The following ALS2CL variants were observed in gnomAD, a reference collection of about 807,000 sequenced individuals.
The protein encoded by ALS2CL is ALS2 C-terminal-like protein.
Under a neutral mutation model 127.9 loss-of-function variants are expected in ALS2CL, and 112 were observed. That is an observed-to-expected ratio of 0.88 (90% CI 0.75 to 1.02). The LOEUF (loss-of-function observed/expected upper bound fraction) is 1.02. Ranked by LOEUF, ALS2CL falls within the 50% of genes least tolerant of loss-of-function variation. The pLI is 0.00. For synonymous variants in ALS2CL, 519 were observed against 527.6 expected (o/e 0.98, Z 0.22); for missense variants, 1,174 against 1,236.7 (o/e 0.95, Z 0.76).
Position 46,686,579 on chromosome 3 carries a change from G to C in ALS2CL, c.535-140C>G, listed in dbSNP as rs1199577207. On this transcript the variant is annotated intron_variant, in intron 5 of 25. Transcript: ENST00000318962. This position sits in a 1 kb window ranked among gnomAD's most constrained non-coding sequence, Gnocchi z 4.3. The stretch of plus-strand genomic sequence containing the variant: ...CCCTGACAGCTCCTCTTCTGCTGGT[G>C]GGGCAGGGGGTGGAATATGAAGGTG... 6 of 1,229,206 alleles carry C rather than the reference G, an allele frequency of 4.9e-6. No individual in the cohort carries two copies. Among genetic ancestry groups the C allele is most frequent in the Non-Finnish European group, 5.6e-6 (5 of 897,708 alleles). 76.1% of individuals were successfully genotyped at this position (1,229,206 alleles called of 1,614,324 possible).
In ALS2CL at chr3:46,678,312, C is replaced by T. The variant is rs1231650990; in HGVS notation, c.1704G>A (p.Gln568=). The stretch of plus-strand genomic sequence containing the variant: ...GGAGGGCAGCCGTGTCCAGCACACC[C>T]TGTGTGTGCAGTCCTCTCCCTGCCC... ...GSGAGRGLHT[Q]GVLDTAALPP... Residue 568 remains glutamine, a synonymous_variant, in exon 16 of 26, where the codon CAG becomes CAA. Transcript: ENST00000318962. 3 of 1,612,028 alleles carry T rather than the reference C, an allele frequency of 1.9e-6. No homozygotes were observed. In the African/African-American group the frequency reaches 4.0e-5, roughly 22 times the overall value.
At chr3:46,690,025 A>G (rs1700063224) in intron 1 of ALS2CL, among the ~76,000 whole-genome samples, 1 of 152,178 alleles carries the variant, frequency 6.6e-6, no homozygotes, top group Non-Finnish European at 1.5e-5. Context: ...ATGATGGGCA[A>G]GAAATGAAAA....
At position 46,686,857 on chromosome 3, in the gene ALS2CL, C is replaced by T; in HGVS notation, c.534+126G>A. ...GGCCTGTGACTTCCTCAACCCTCTC[C>T]CACCTGCCGGCATGGCTGAGTCCTT... On this transcript the variant is annotated intron_variant, in intron 5 of 25. Transcript: ENST00000318962. The surrounding 1 kb of genome is among the most constrained non-coding windows in gnomAD (Gnocchi z 4.3). 1 of 1,201,924 alleles carries T rather than the reference C, an allele frequency of 8.3e-7. No individual in the cohort carries two copies. 74.5% of individuals were successfully genotyped at this position (1,201,924 alleles called of 1,614,324 possible).
intron 1 of ALS2CL, among the ~76,000 whole-genome samples, chr3:46,690,768 C>T (rs1700102682): frequency 1.3e-5 from 2 of 152,178 alleles, no homozygotes; most frequent in Admixed American, 1.3e-4. Flanking sequence ...CAACGATGGG[C>T]AGGTGACACA....
In ALS2CL at chr3:46,676,946, C is replaced by T; in HGVS notation, c.1834G>A (p.Ala612Thr). ...TCCTGCAGGTCCCTGGGGCAGCCAGCACACACAAAGTCCCGGAAGGGGCTG... is the reference window on the plus strand; with the variant it reads ...TCCTGCAGGTCCCTGGGGCAGCCAGTACACACAAAGTCCCGGAAGGGGCTG... ...VYSPFRDFVC[A>T]GCPRDLQEAL... The change falls in exon 17 of 26, where the codon GCT becomes ACT. Residue 612 changes from alanine (A) to threonine (T), a missense_variant. Ala to Thr is a moderately conservative substitution (Grantham distance 58). Coordinates refer to ENST00000318962, the MANE Select transcript of ALS2CL (RefSeq NM_147129.5). 6.2e-7 allele frequency: 1 copy of T among 1,613,694 alleles called. No individual in the cohort carries two copies. Among genetic ancestry groups the T allele is most frequent in the Non-Finnish European group, 8.5e-7 (1 of 1,179,936 alleles).
rs545746188 is a variant in ALS2CL at position 46,686,274 on chromosome 3, C to A, written c.666+34G>T. ...ACATCTCCATGCCCAATGTGGAACC[C>A]CCTCCCTAACTGCCCCTCAGGCCCC... On this transcript the variant is annotated intron_variant, in intron 6 of 25. Transcript: ENST00000318962. The surrounding 1 kb of genome is among the most constrained non-coding windows in gnomAD (Gnocchi z 4.3). 4 of 1,577,834 alleles carry A rather than the reference C, an allele frequency of 2.5e-6. No homozygotes were observed. The highest frequency in any genetic ancestry group is 3.4e-6 in the Non-Finnish European group (4 of 1,162,078).
At position 46,681,658 on chromosome 3, in the gene ALS2CL, C is replaced by T. The variant is rs1422923738; in HGVS notation, c.1176-60G>A. 4.6e-6 allele frequency: 7 copies of T among 1,531,444 alleles called. No homozygotes were observed. In the Admixed American group the frequency reaches 6.7e-5, roughly 15 times the overall value. The allele number at this position is 1,531,444 out of a possible 1,614,324, so 94.9% of individuals were successfully genotyped here. On this transcript the variant is annotated intron_variant, in intron 11 of 25. Transcript: ENST00000318962. The surrounding 1 kb of genome is among the most constrained non-coding windows in gnomAD (Gnocchi z 4.9). Reference sequence around the variant, plus strand: ...TGACCTGAGACGCCCATTACACCTACTCCATGCCACCCAGGAGTATCCCTG... The same window carrying T: ...TGACCTGAGACGCCCATTACACCTATTCCATGCCACCCAGGAGTATCCCTG...
In ALS2CL at chr3:46,681,975, A is replaced by G; in HGVS notation, c.1175+54T>C. On this transcript the variant is annotated intron_variant, in intron 11 of 25. Coordinates refer to ENST00000318962, the MANE Select transcript of ALS2CL (RefSeq NM_147129.5). This position sits in a 1 kb window ranked among gnomAD's most constrained non-coding sequence, Gnocchi z 4.9. The stretch of plus-strand genomic sequence containing the variant: ...GGCTGGTGACCACAGCAGGGGAGGA[A>G]AGCACCCTTCAGCCCACTGCACGCC... 6.3e-7 allele frequency: 1 copy of G among 1,590,610 alleles called. No homozygotes were observed. Among genetic ancestry groups the G allele is most frequent in the Admixed American group, 1.7e-5 (1 of 58,424 alleles).
chr3:46,681,446 G>T lies in ALS2CL; in HGVS notation c.1275-39C>A, dbSNP rs1260117816. ...TCAACAACGAGCTCTGCCTCATGGA[G>T]CTCAGCCCAGAGGATGGGCCCAGCC... On this transcript the variant is annotated intron_variant, in intron 12 of 25. Coordinates refer to ENST00000318962, the MANE Select transcript of ALS2CL (RefSeq NM_147129.5). The surrounding 1 kb of genome is among the most constrained non-coding windows in gnomAD (Gnocchi z 4.9). 8.1e-6 allele frequency: 13 copies of T among 1,611,464 alleles called. No individual in the cohort carries two copies. Among genetic ancestry groups the T allele is most frequent in the South Asian group, 7.7e-5 (7 of 90,976 alleles).
At chr3:46,690,879 C>A (rs1307787736) in intron 1 of ALS2CL, among the ~76,000 whole-genome samples, 14 of 152,226 alleles carry the variant, frequency 9.2e-5, no homozygotes, top group Non-Finnish European at 2.1e-4. Context: ...GCAGAGCCTA[C>A]AACTCCCAGG....
In ALS2CL at chr3:46,681,595, G is replaced by A. The variant is rs764368119; in HGVS notation, c.1179C>T (p.Phe393=). 1.4e-5 allele frequency: 23 copies of A among 1,613,936 alleles called. No homozygotes were observed. The highest frequency in any genetic ancestry group is 8.0e-5 in the African/African-American group (6 of 74,926). The change falls in exon 12 of 26, where the codon TTC becomes TTT. Residue 393 remains phenylalanine, a synonymous_variant. Coordinates refer to ENST00000318962, the MANE Select transcript of ALS2CL (RefSeq NM_147129.5). This position sits in a 1 kb window ranked among gnomAD's most constrained non-coding sequence, Gnocchi z 4.9. The part of the protein sequence containing the change: ...GNFCQGLEHG[F]GIRLLPQASE... ...AGGCCTGGGGCAGCAGGCGGATGCC[G>A]AAGCTGACAGCATGGTTGTGGGGGT...
At chr3:46,683,951 G>C in intron 8 of ALS2CL, 38 bp downstream of exon 8, 1 of 1,612,014 alleles carries the variant, frequency 6.2e-7, no homozygotes, top group Non-Finnish European at 8.5e-7. Flanking sequence ...GGGGTAAAGG[G>C]AAGAAGGCCT....
At chr3:46,674,496 T>C (rs1045684862) in intron 21 of ALS2CL, 70 bp downstream of exon 21, 1 of 1,550,524 alleles carries the variant, frequency 6.4e-7, no homozygotes, top group African/African-American at 1.4e-5. Context: ...CAGCCCCACC[T>C]TTTGGCTGAA....
Position 46,688,131 on chromosome 3 carries a change from CGCA to C in ALS2CL, c.266_268del (p.Leu89del), listed in dbSNP as rs779096038. ...GGCCTGCAGTACACGGTCAGCACCTCGCAGCAGCAGCAGGGACTCCAGACCGGT... is the reference window on the plus strand; with the variant it reads ...GGCCTGCAGTACACGGTCAGCACCTCGCAGCAGCAGGGACTCCAGACCGGT... On this transcript the variant is annotated inframe_deletion, in exon 3 of 26. Transcript: ENST00000318962. The C allele has an allele frequency of 6.2e-7, 1 of 1,613,166 alleles. No individual in the cohort carries two copies. Among genetic ancestry groups the C allele is most frequent in the Non-Finnish European group, 8.5e-7 (1 of 1,179,958 alleles).
chr3:46,680,878 GGA>G (rs1699265909), intron 13 of ALS2CL: 2 of 531,498 alleles, frequency 3.8e-6, no homozygotes, highest in Admixed American at 3.2e-5. Context: ...GGGGTGCCCA[GGA>G]GACGCAGCTG....
At position 46,677,038 on chromosome 3, in the gene ALS2CL, A is replaced by T. The variant is rs1159826380; in HGVS notation, c.1758-16T>A. ...GCCCAGCTGCCTGCGATGGGGATGG[A>T]GGGTGGGTGATGGGGCAGAGAGAGA... is the stretch of plus-strand genomic sequence containing the variant. On this transcript the variant is annotated splice_polypyrimidine_tract_variant and intron_variant, in intron 16 of 25. Coordinates refer to ENST00000318962, the MANE Select transcript of ALS2CL (RefSeq NM_147129.5). 2 of 1,586,408 alleles carry T rather than the reference A, an allele frequency of 1.3e-6. No individual in the cohort carries two copies. Among genetic ancestry groups the T allele is most frequent in the Admixed American group, 3.4e-5 (2 of 58,222 alleles).
chr3:46,681,939 G>A lies in ALS2CL; in HGVS notation c.1175+90C>T. On this transcript the variant is annotated intron_variant, in intron 11 of 25. Coordinates refer to ENST00000318962, the MANE Select transcript of ALS2CL (RefSeq NM_147129.5). The surrounding 1 kb of genome is among the most constrained non-coding windows in gnomAD (Gnocchi z 4.9). The stretch of plus-strand genomic sequence containing the variant: ...TTCCTGCTTGAGGTTTGGGAATTCA[G>A]GATGGGGCCGGGCTGGTGACCACAG... The A allele has an allele frequency of 6.9e-7, 1 of 1,457,532 alleles. No homozygotes were observed. 90.3% of individuals were successfully genotyped at this position (1,457,532 alleles called of 1,614,324 possible).
intron 10 of ALS2CL, among the ~76,000 whole-genome samples, chr3:46,682,347 T>A (rs1234440865): frequency 6.6e-6 from 1 of 152,224 alleles, no homozygotes; most frequent in African/African-American, 2.4e-5. Flanking sequence ...TGGAGACATC[T>A]AGGTTCCCTT....
At chr3:46,671,115 C>A (rs747138367) in intron 25 of ALS2CL, 51 bp from the exon 26 acceptor site, 3 of 1,555,072 alleles carry the variant, frequency 1.9e-6, no homozygotes, top group Admixed American at 1.7e-5. Flanking sequence ...TGATCCCAAC[C>A]ACATGCACAG....
Sources: allele counts gnomAD v4.1 joint callset (sites outside exome capture counted in the v4.1 genomes callset), GRCh38; gene constraint gnomAD v4.1.1; non-coding constraint Gnocchi (gnomAD v3.1); transcripts MANE v1.5; gene names NCBI Gene and HGNC (gene_info 2026-07-23, HGNC 2026-07-21).